Variants in ARHGAP26 observed in about 807,000 individuals in gnomAD.
ARHGAP26 encodes rho GTPase-activating protein 26.
In ARHGAP26, 38 loss-of-function variants were observed where a neutral mutation model predicts 104.8. The ratio of observed to expected loss-of-function variants is 0.36; its 90% confidence interval spans 0.28 to 0.48. The LOEUF (loss-of-function observed/expected upper bound fraction) is 0.48. ARHGAP26 is among the 20% of genes least tolerant of loss of function. ARHGAP26 has a pLI of 0.99. For synonymous variants in ARHGAP26, 341 were observed against 340.0 expected (o/e 1.00, Z -0.03); for missense variants, 704 against 947.9 (o/e 0.74, Z 3.38).
intron 11 of ARHGAP26, among the ~76,000 whole-genome samples, chr5:142,934,615 C>T (rs574243980): frequency 6.6e-4 from 101 of 152,302 alleles, no homozygotes; most frequent in Non-Finnish European, 7.1e-4. Flanking sequence ...AAATCTGTCC[C>T]CGTGGGAGCT....
At chr5:142,826,577 T>A (rs1767326195) in intron 1 of ARHGAP26, among the ~76,000 whole-genome samples, 1 of 152,202 alleles carries the variant, frequency 6.6e-6, no homozygotes, top group Non-Finnish European at 1.5e-5. Context: ...GGAGTTAGGA[T>A]TCTTCCCAGG....
At chr5:143,141,196 TA>T (rs1012229680) in intron 19 of ARHGAP26, among the ~76,000 whole-genome samples, 1 of 152,212 alleles carries the variant, frequency 6.6e-6, no homozygotes, top group Non-Finnish European at 1.5e-5. Flanking sequence ...ATGTGGCTAT[TA>T]AAAAATGATG....
chr5:142,946,112 A>T (rs887350990), intron 11 of ARHGAP26, among the ~76,000 whole-genome samples: 7 of 152,182 alleles, frequency 4.6e-5, no homozygotes, highest in Admixed American at 1.3e-4. Context: ...ACATTTCCAT[A>T]ATCAAACCAC....
At chr5:143,014,987 T>A (rs1186659268) in intron 12 of ARHGAP26, among the ~76,000 whole-genome samples, 1 of 152,216 alleles carries the variant, frequency 6.6e-6, no homozygotes, top group Non-Finnish European at 1.5e-5. Context: ...AAGTTGTTTT[T>A]TTGTGAAAGC....
intron 1 of ARHGAP26, among the ~76,000 whole-genome samples, chr5:142,790,082 C>G (rs564493268): frequency 1.3e-5 from 2 of 152,284 alleles, no homozygotes; most frequent in East Asian, 3.9e-4. Flanking sequence ...GAGGGGTTAG[C>G]TTTGAACAAG....
rs574817800 is a variant in ARHGAP26 at position 142,871,445 on chromosome 5, G to A, written c.155-1955G>A. ...GATTGAGTTTCTCTTGCTTATGGGG[G>A]AGGCACAGGATTGTCGGGTGGGTAG... On this transcript the variant is annotated intron_variant, in intron 1 of 22. Coordinates refer to ENST00000645722, the MANE Select transcript of ARHGAP26 (RefSeq NM_001135608.3). This position sits in a 1 kb window ranked among gnomAD's most constrained non-coding sequence, Gnocchi z 4.1. Among the ~76,000 whole-genome samples the A allele has an allele frequency of 2.5e-4, 38 of 152,274 alleles. No individual in the cohort carries two copies. Among genetic ancestry groups the A allele is most frequent in the African/African-American group, 8.7e-4 (36 of 41,538 alleles).
At position 143,038,601 on chromosome 5, in the gene ARHGAP26, T is replaced by C. The variant is rs182086153; in HGVS notation, c.1210+1340T>C. Among the ~76,000 whole-genome samples the C allele has an allele frequency of 5.9e-5, 9 of 151,308 alleles. No homozygotes were observed. In the East Asian group the frequency reaches 1.7e-3, roughly 29 times the overall value. ...ACGGGCCAAATGTCTCAAAAATGGG[T>C]TAAATCAACAGTGGTACATCTGTGT... On this transcript the variant is annotated intron_variant, in intron 13 of 22. Transcript: ENST00000645722.
chr5:142,914,916 G>A (rs1024953952), intron 10 of ARHGAP26, among the ~76,000 whole-genome samples: 2 of 152,190 alleles, frequency 1.3e-5, no homozygotes, highest in Non-Finnish European at 2.9e-5. Context: ...ACAGCCACCT[G>A]TGATGCTCAT....
intron 11 of ARHGAP26, among the ~76,000 whole-genome samples, chr5:142,985,455 C>T (rs1410803478): frequency 6.6e-6 from 1 of 152,096 alleles, no homozygotes; most frequent in African/African-American, 2.4e-5. Flanking sequence ...AGAGCAACTT[C>T]CAGTCCTGTA....
chr5:142,999,383 T>C (rs982850578), intron 11 of ARHGAP26, among the ~76,000 whole-genome samples: 17 of 152,238 alleles, frequency 1.1e-4, no homozygotes, highest in South Asian at 2.1e-4. Flanking sequence ...GTTTTATTAA[T>C]ATAGTGAGGG....
chr5:143,147,358 C>A lies in ARHGAP26; in HGVS notation c.1965C>A (p.Val655=). Residue 655 remains valine (V), a synonymous_variant, in exon 20 of 23, where the codon GTC becomes GTA. Transcript: ENST00000645722. ...MNSSDPDLAV[V]KPTRPNSLPP... ...CCAGTGACCCAGACCTGGCTGTGGTCAAACCCACCCGGCCCAACTCACTGT... is the reference window on the plus strand; with the variant it reads ...CCAGTGACCCAGACCTGGCTGTGGTAAAACCCACCCGGCCCAACTCACTGT... 6.2e-7 allele frequency: 1 copy of A among 1,613,884 alleles called. No individual in the cohort carries two copies.
At chr5:143,163,189 G>C (rs959093308) in intron 20 of ARHGAP26, among the ~76,000 whole-genome samples, 1 of 152,176 alleles carries the variant, frequency 6.6e-6, no homozygotes, top group Non-Finnish European at 1.5e-5. Context: ...CTGCTGCTCA[G>C]ATGAGGGAGA....
intron 1 of ARHGAP26, among the ~76,000 whole-genome samples, chr5:142,778,858 C>T (rs1233619696): frequency 6.6e-6 from 1 of 151,800 alleles, no homozygotes; most frequent in East Asian, 1.9e-4. Context: ...GTTTCTGAAG[C>T]TTAATCTTTT....
chr5:142,797,879 T>C (rs1190035725), intron 1 of ARHGAP26, among the ~76,000 whole-genome samples: 1 of 152,250 alleles, frequency 6.6e-6, no homozygotes, highest in African/African-American at 2.4e-5. Context: ...ATGCAGGTTC[T>C]GAGGTGGGGC....
chr5:143,002,990 C>A (rs952270934), intron 11 of ARHGAP26, among the ~76,000 whole-genome samples: 1 of 152,150 alleles, frequency 6.6e-6, no homozygotes, highest in Non-Finnish European at 1.5e-5. Flanking sequence ...TCAGTGTTAT[C>A]CTGATTTGAG....
chr5:143,001,742 T>C (rs1255727867), intron 11 of ARHGAP26, among the ~76,000 whole-genome samples: 1 of 152,220 alleles, frequency 6.6e-6, no homozygotes, highest in African/African-American at 2.4e-5. Flanking sequence ...CTCATTCTGC[T>C]CCTTGGGAGT....
intron 11 of ARHGAP26, among the ~76,000 whole-genome samples, chr5:142,990,865 C>T (rs1026540973): frequency 2.6e-5 from 4 of 152,126 alleles, no homozygotes; most frequent in African/African-American, 4.8e-5. Flanking sequence ...AGTTGTCAGT[C>T]GGCCCCTACT....
chr5:142,954,885 A>C (rs1485054713), intron 11 of ARHGAP26, among the ~76,000 whole-genome samples: 1 of 152,194 alleles, frequency 6.6e-6, no homozygotes, highest in Non-Finnish European at 1.5e-5. Flanking sequence ...CAGTTCCTGC[A>C]CTGCTTAAAT....
At chr5:142,990,285 G>A (rs940566027) in intron 11 of ARHGAP26, among the ~76,000 whole-genome samples, 1 of 152,192 alleles carries the variant, frequency 6.6e-6, no homozygotes, top group African/African-American at 2.4e-5. Context: ...TAGTTCTTGT[G>A]CCGTGGTTTT....
Sources: gnomAD v4.1 joint callset for allele counts (sites outside exome capture counted in the v4.1 genomes callset) on GRCh38, gnomAD v4.1.1 for gene constraint, Gnocchi (gnomAD v3.1) non-coding constraint, MANE v1.5 for transcripts, NCBI Gene and HGNC (gene_info 2026-07-23, HGNC 2026-07-21) for gene names.